CEP83: variants seen among roughly 807,000 people sequenced by gnomAD.
The protein encoded by CEP83 is centrosomal protein of 83 kDa.
In CEP83, 70 loss-of-function variants were observed where a neutral mutation model predicts 101.9. The observed-to-expected ratio is 0.69, with a 90% CI of 0.57 to 0.84. The LOEUF (loss-of-function observed/expected upper bound fraction) is 0.84. Ranked by LOEUF, CEP83 falls within the 40% of genes least tolerant of loss-of-function variation. CEP83 has a pLI of 0.00. For synonymous variants in CEP83, 264 were observed against 267.9 expected, an observed-to-expected ratio of 0.99 and a Z score of 0.14; for missense variants, 715 against 787.2, an observed-to-expected ratio of 0.91 and a Z score of 1.10.
At chr12:94,377,598 T>C (rs991417931) in intron 7 of CEP83, among the ~76,000 whole-genome samples, 1 of 152,230 alleles carries the variant, frequency 6.6e-6, no homozygotes. Context: ...AAGAAAGAAA[T>C]GCTTGCTGTC....
the CEP83 span, among the ~76,000 whole-genome samples, chr12:94,276,654 GAAT>G: frequency 1.3e-5 from 2 of 152,236 alleles, no homozygotes; most frequent in South Asian, 4.1e-4. Context: ...ACAGGGATGG[GAAT>G]AATAATCCAG....
intron 2 of CEP83, among the ~76,000 whole-genome samples, chr12:94,423,254 T>G (rs756023739): frequency 3.9e-4 from 59 of 152,206 alleles, no homozygotes; most frequent in Non-Finnish European, 7.2e-4. Flanking sequence ...CCGGCTGATT[T>G]TGTATTTTTA....
At chr12:94,394,820 C>T (rs1034768244) in intron 6 of CEP83, among the ~76,000 whole-genome samples, 1 of 152,182 alleles carries the variant, frequency 6.6e-6, no homozygotes, top group Non-Finnish European at 1.5e-5. Context: ...AGGATATGAA[C>T]AGACACTTCT....
chr12:94,432,912 T>C (rs1182012887), intron 2 of CEP83, among the ~76,000 whole-genome samples: 1 of 152,198 alleles, frequency 6.6e-6, no homozygotes, highest in Non-Finnish European at 1.5e-5. Flanking sequence ...TATAAAATAT[T>C]ATAACATATT....
intron 1 of CEP83, among the ~76,000 whole-genome samples, chr12:94,443,129 G>A (rs1594098971): frequency 6.8e-6 from 1 of 146,952 alleles, no homozygotes; most frequent in East Asian, 2.0e-4. Flanking sequence ...CCCCGTATTA[G>A]CCAGCTCCCT....
At chr12:94,312,008 G>A (rs750375092) in intron 15 of CEP83, among the ~76,000 whole-genome samples, 2 of 151,992 alleles carry the variant, frequency 1.3e-5, no homozygotes, top group Non-Finnish European at 2.9e-5. Context: ...CTAGGGGTTC[G>A]AGGCTACAGT....
chr12:94,291,392 T>TTTTG, the CEP83 span, among the ~76,000 whole-genome samples: 42 of 152,190 alleles, frequency 2.8e-4, no homozygotes, highest in African/African-American at 7.9e-4. Context: ...CTCAGCGCTT[T>TTTTG]TTTGTTTGTT....
chr12:94,329,498 A>C (rs2059117925), intron 14 of CEP83, among the ~76,000 whole-genome samples: 1 of 151,856 alleles, frequency 6.6e-6, no homozygotes, highest in Non-Finnish European at 1.5e-5. Context: ...AACCTCCTCC[A>C]CTCCTTCTGG....
intron 2 of CEP83, chr12:94,424,148 A>G (rs186739906): frequency 4.1e-5 from 65 of 1,603,462 alleles, no homozygotes; most frequent in Non-Finnish European, 5.2e-5. Context: ...AGACCGAGCA[A>G]GCATCCTGTT....
chr12:94,432,807 A>T (rs1483492857), intron 2 of CEP83, among the ~76,000 whole-genome samples: 1 of 152,260 alleles, frequency 6.6e-6, no homozygotes, highest in Non-Finnish European at 1.5e-5. Context: ...CCCTGACTTG[A>T]TCATTACACA....
chr12:94,427,739 A>G (rs773098595), intron 2 of CEP83, among the ~76,000 whole-genome samples: 2 of 152,210 alleles, frequency 1.3e-5, no homozygotes, highest in Non-Finnish European at 2.9e-5. Flanking sequence ...GATGTTTTTT[A>G]AAAAACAACA....
intron 1 of CEP83, among the ~76,000 whole-genome samples, chr12:94,449,779 T>TA (rs71071787): frequency 0.34 from 16,116 of 48,098 alleles, 3,862 homozygotes; most frequent in Non-Finnish European, 0.4. Context: ...TCTCAAACAA[T>TA]AAAAAAAAAA....
rs373726888 is a variant in CEP83 at position 94,378,832 on chromosome 12, G to A, written c.760C>T (p.Arg254Trp). The A allele has an allele frequency of 1.2e-5, 20 of 1,613,858 alleles. No individual in the cohort carries two copies. The highest frequency in any genetic ancestry group is 4.5e-5 in the East Asian group (2 of 44,886). Reference protein sequence around the residue: ...QVENAQRIQVRQLAEMQATVR... With the variant: ...QVENAQRIQVWQLAEMQATVR... ...GTAGCCTGCATCTCAGCCAACTGCC[G>A]CACCTGTATTCTTTGGGCATTTTCC... is the stretch of plus-strand genomic sequence containing the variant. The change falls in exon 7 of 17, where the codon CGG becomes TGG. Residue 254 changes from arginine to tryptophan, a missense_variant. By Grantham distance (101) the Arg-to-Trp change is moderately radical (BLOSUM62 -3). Coordinates refer to ENST00000397809, the MANE Select transcript of CEP83 (RefSeq NM_016122.3).
chr12:94,367,651 T>C, intron 11 of CEP83, 143 bp downstream of exon 11: 1 of 454,900 alleles, frequency 2.2e-6, no homozygotes, highest in Non-Finnish European at 3.8e-6. Flanking sequence ...ATCTTGATTA[T>C]TATAATATGG....
intron 6 of CEP83, among the ~76,000 whole-genome samples, chr12:94,399,428 G>A (rs1056514667): frequency 1.3e-5 from 2 of 152,240 alleles, no homozygotes; most frequent in Non-Finnish European, 1.5e-5. Flanking sequence ...AGAAAATAAG[G>A]GCTGGGCACG....
At chr12:94,334,192 A>C (rs1049508918) in intron 12 of CEP83, among the ~76,000 whole-genome samples, 1 of 152,178 alleles carries the variant, frequency 6.6e-6, no homozygotes, top group Non-Finnish European at 1.5e-5. Flanking sequence ...AAGGTTTCCA[A>C]ACCTTCTGTA....
At chr12:94,278,736 G>A in the CEP83 span, among the ~76,000 whole-genome samples, 900 of 152,238 alleles carry the variant, frequency 5.9e-3, 5 homozygotes, top group Admixed American at 9.2e-3. Context: ...AGTGGCTCAC[G>A]CCTGTAATCC....
chr12:94,348,115 AT>A (rs201632153), intron 11 of CEP83, among the ~76,000 whole-genome samples: 9 of 150,858 alleles, frequency 6.0e-5, no homozygotes, highest in Non-Finnish European at 1.0e-4. Flanking sequence ...CACAAAAAAA[AT>A]ATATATATAT....
chr12:94,362,853 A>T (rs1489303983), intron 11 of CEP83, among the ~76,000 whole-genome samples: 1 of 152,264 alleles, frequency 6.6e-6, no homozygotes, highest in East Asian at 1.9e-4. Context: ...CTATTCAGCC[A>T]TAAAAAAGGA....
Sources: allele counts gnomAD v4.1 joint callset (sites outside exome capture counted in the v4.1 genomes callset), GRCh38; gene constraint gnomAD v4.1.1; transcripts MANE v1.5; gene names NCBI Gene and HGNC (gene_info 2026-07-23, HGNC 2026-07-21).